Variants in GPBP1 observed in about 807,000 individuals in gnomAD.
The protein encoded by GPBP1 is vasculin.
Under a neutral mutation model 56.5 loss-of-function variants are expected in GPBP1, and 13 were observed. That is an observed-to-expected ratio of 0.23 (90% CI 0.15 to 0.37). The LOEUF (loss-of-function observed/expected upper bound fraction) is 0.37, where lower values mean the gene tolerates loss of function less well. Among genes scored for constraint, GPBP1 ranks in the 10% least tolerant of loss-of-function variants. GPBP1 has a pLI of 1.00. For missense variants in GPBP1, 477 were observed against 572.3 expected (o/e 0.83, Z 1.70); for synonymous variants, 204 against 188.9 (o/e 1.08, Z -0.66).
chr5:57,254,100 A>G (rs1044076633), intron 10 of GPBP1, among the ~76,000 whole-genome samples: 1 of 151,764 alleles, frequency 6.6e-6, no homozygotes, highest in African/African-American at 2.4e-5. Flanking sequence ...TAACTTCTGT[A>G]TTTTTTGTAG....
intron 3 of GPBP1, among the ~76,000 whole-genome samples, chr5:57,217,504 G>A (rs939202910): frequency 6.6e-6 from 1 of 152,072 alleles, no homozygotes; most frequent in African/African-American, 2.4e-5. Flanking sequence ...CGGGAGGGTG[G>A]AGGTTGTGGT....
intron 2 of GPBP1, among the ~76,000 whole-genome samples, chr5:57,211,960 A>G (rs1755505523): frequency 6.6e-6 from 1 of 151,664 alleles, no homozygotes; most frequent in Non-Finnish European, 1.5e-5. Flanking sequence ...TTTTTGAGAC[A>G]GAGTCTTCCT....
intron 3 of GPBP1, among the ~76,000 whole-genome samples, chr5:57,215,559 G>A (rs980178576): frequency 3.9e-5 from 6 of 152,162 alleles, no homozygotes; most frequent in Admixed American, 3.3e-4. Context: ...AGTCTCCTGA[G>A]GTTGGTTCTG....
intron 5 of GPBP1, among the ~76,000 whole-genome samples, chr5:57,231,667 C>T (rs1371445807): frequency 6.6e-6 from 1 of 152,164 alleles, no homozygotes; most frequent in Non-Finnish European, 1.5e-5. Context: ...TTATCTAGTT[C>T]TTGCGATTCA....
At chr5:57,192,171 TG>T (rs1369736033) in intron 2 of GPBP1, among the ~76,000 whole-genome samples, 2 of 152,216 alleles carry the variant, frequency 1.3e-5, no homozygotes, top group Non-Finnish European at 2.9e-5. Flanking sequence ...AAATTGTTTC[TG>T]GAACACTGGC....
intron 6 of GPBP1, among the ~76,000 whole-genome samples, chr5:57,238,184 G>A (rs1740627432): frequency 6.6e-6 from 1 of 152,190 alleles, no homozygotes; most frequent in African/African-American, 2.4e-5. Context: ...TAAAAATAAT[G>A]TAATTGTTTG....
intron 8 of GPBP1, chr5:57,248,990 CA>C (rs1338593539): frequency 6.6e-6 from 1 of 152,624 alleles, no homozygotes; most frequent in African/African-American, 2.4e-5. Flanking sequence ...AACATTTTAC[CA>C]GGTGAAATCC....
chr5:57,228,794 C>T (rs1394739220), intron 3 of GPBP1, among the ~76,000 whole-genome samples: 1 of 148,914 alleles, frequency 6.7e-6, no homozygotes, highest in Non-Finnish European at 1.5e-5. Flanking sequence ...TATTGAAATA[C>T]ATGCAAGACT....
chr5:57,239,621 A>T (rs547836016), intron 6 of GPBP1, among the ~76,000 whole-genome samples: 39 of 152,284 alleles, frequency 2.6e-4, no homozygotes, highest in Admixed American at 1.2e-3. Context: ...TTCTACTAAA[A>T]ATACAAAAAT....
intron 6 of GPBP1, among the ~76,000 whole-genome samples, chr5:57,243,797 A>G (rs995077456): frequency 8.6e-5 from 13 of 151,760 alleles, no homozygotes; most frequent in Non-Finnish European, 1.9e-4. Context: ...GGATTCTCCT[A>G]TGTCAGCCCC....
chr5:57,244,708 T>G (rs1191160354), intron 6 of GPBP1, among the ~76,000 whole-genome samples: 14 of 152,018 alleles, frequency 9.2e-5, no homozygotes, highest in Non-Finnish European at 8.8e-5. Context: ...CTAATATTAT[T>G]TACTATTCTT....
intron 2 of GPBP1, among the ~76,000 whole-genome samples, chr5:57,190,613 TTTATGTGTCTAGAATTAAATAAATTG>T (rs1477612321): frequency 1.3e-5 from 2 of 151,042 alleles, no homozygotes; most frequent in African/African-American, 4.9e-5. Context: ...AAAAAGCTAT[TTTATGTGTCTAGAATTAAATAAATTG>T]TTATATGAGC....
chr5:57,215,619 C>T (rs1216535370), intron 3 of GPBP1, among the ~76,000 whole-genome samples: 1 of 152,228 alleles, frequency 6.6e-6, no homozygotes, highest in Non-Finnish European at 1.5e-5. Flanking sequence ...TCATTCAGAA[C>T]TAGCTGGCCT....
chr5:57,186,986 A>G (rs1003650572), intron 2 of GPBP1, among the ~76,000 whole-genome samples: 11 of 148,254 alleles, frequency 7.4e-5, no homozygotes, highest in Admixed American at 5.5e-4. Flanking sequence ...ATGTGTGTCT[A>G]TTTCTGGACT....
At chr5:57,196,124 C>T (rs1754739383) in intron 2 of GPBP1, among the ~76,000 whole-genome samples, 1 of 150,386 alleles carries the variant, frequency 6.6e-6, no homozygotes, top group Non-Finnish European at 1.5e-5. Flanking sequence ...TTTTCTATCT[C>T]TGCCTACCTA....
chr5:57,203,871 A>G (rs377200757), intron 2 of GPBP1, among the ~76,000 whole-genome samples: 18 of 152,308 alleles, frequency 1.2e-4, no homozygotes, highest in African/African-American at 4.3e-4. Context: ...AAGACATTGG[A>G]TACTTCTTTC....
chr5:57,223,565 G>A (rs1756045704), intron 3 of GPBP1, among the ~76,000 whole-genome samples: 1 of 151,958 alleles, frequency 6.6e-6, no homozygotes, highest in African/African-American at 2.4e-5. Context: ...ATCTGGTATT[G>A]TGAAGTAGTA....
chr5:57,217,343 C>T (rs1036898677), intron 3 of GPBP1, among the ~76,000 whole-genome samples: 5 of 151,860 alleles, frequency 3.3e-5, no homozygotes, highest in African/African-American at 4.9e-5. Context: ...GAGGCCGAGG[C>T]GGGCGGATCA....
chr5:57,224,482 G>T (rs1434360863), intron 3 of GPBP1, among the ~76,000 whole-genome samples: 1 of 151,752 alleles, frequency 6.6e-6, no homozygotes, highest in Non-Finnish European at 1.5e-5. Flanking sequence ...ACCTCAGGCA[G>T]TCCACCTGCC....
Sources: gnomAD v4.1 joint callset for allele counts (sites outside exome capture counted in the v4.1 genomes callset) on GRCh38, gnomAD v4.1.1 for gene constraint, MANE v1.5 for transcripts, NCBI Gene and HGNC (gene_info 2026-07-23, HGNC 2026-07-21) for gene names.